The following STK3 variants were observed in gnomAD, a reference collection of about 807,000 sequenced individuals.
STK3 encodes the protein serine/threonine-protein kinase 3.
A neutral mutation model predicts 58.0 loss-of-function variants in STK3; 41 were observed. The ratio of observed to expected loss-of-function variants is 0.71; its 90% CI spans 0.55 to 0.92. The LOEUF is 0.92. Ranked by LOEUF, STK3 falls within the 40% of genes least tolerant of loss-of-function variation. The pLI is 0.00. For missense variants in STK3, 479 were observed against 602.7 expected (o/e 0.79, Z 2.15); for synonymous variants, 170 against 191.0 (o/e 0.89, Z 0.91).
intron 8 of STK3, among the ~76,000 whole-genome samples, chr8:98,557,196 T>A (rs1811663159): frequency 6.6e-6 from 1 of 152,082 alleles, no homozygotes; most frequent in Non-Finnish European, 1.5e-5. Flanking sequence ...CGGGGGCTGG[T>A]GACTGCTTGA....
chr8:98,662,231 A>G (rs1822020377), intron 6 of STK3, among the ~76,000 whole-genome samples: 1 of 152,190 alleles, frequency 6.6e-6, no homozygotes, highest in Admixed American at 6.5e-5. Flanking sequence ...AAATACCAAA[A>G]TTAATCTTTA....
rs146166660 is a variant in STK3 at position 98,485,798 on chromosome 8, G to C, written c.1318-29798C>G. Among the ~76,000 whole-genome samples the C allele has an allele frequency of 5.0e-3, 764 of 152,326 alleles. 14 individuals carry two copies. Among genetic ancestry groups the C allele is most frequent in the Admixed American group, 0.043 (659 of 15,298 alleles). On this transcript the variant is annotated intron_variant, in intron 10 of 10. Transcript: ENST00000419617. ...AATAGAAGATGAGCCTGGAGAAGTA[G>C]ATGGGGGCAGATTTTGGAGCCTATT... is the stretch of plus-strand genomic sequence containing the variant.
chr8:98,742,738 G>C (rs972210724), intron 4 of STK3, among the ~76,000 whole-genome samples: 6 of 151,650 alleles, frequency 4.0e-5, no homozygotes, highest in African/African-American at 1.5e-4. Context: ...AGGGCAATTA[G>C]GCAGGAGAAG....
At chr8:98,934,863 G>A (rs986855220) in intron 1 of STK3, among the ~76,000 whole-genome samples, 1 of 151,724 alleles carries the variant, frequency 6.6e-6, no homozygotes, top group Non-Finnish European at 1.5e-5. Context: ...GTTGCAATGA[G>A]CTGAGATTGT....
At chr8:98,850,290 C>T (rs926399247) in intron 3 of STK3, among the ~76,000 whole-genome samples, 2 of 152,202 alleles carry the variant, frequency 1.3e-5, no homozygotes, top group Non-Finnish European at 2.9e-5. Context: ...CCTCCCTCCT[C>T]AGCTTCCTAA....
chr8:98,860,825 T>C (rs1318422016), intron 3 of STK3, among the ~76,000 whole-genome samples: 1 of 151,892 alleles, frequency 6.6e-6, no homozygotes, highest in African/African-American at 2.4e-5. Flanking sequence ...GAGGCCGAGG[T>C]GGGCAGACAC....
intron 10 of STK3, among the ~76,000 whole-genome samples, chr8:98,486,101 A>T (rs148373718): frequency 1.3e-5 from 2 of 152,346 alleles, no homozygotes; most frequent in East Asian, 3.9e-4. Context: ...AAAGATTTGA[A>T]TTCTGGCTCC....
intron 9 of STK3, among the ~76,000 whole-genome samples, chr8:98,530,814 T>C (rs1489500574): frequency 1.3e-5 from 2 of 152,240 alleles, no homozygotes; most frequent in African/African-American, 4.8e-5. Flanking sequence ...TCTAAGTCCT[T>C]TGTTGTCATT....
intron 1 of STK3, among the ~76,000 whole-genome samples, chr8:98,884,547 C>A (rs1249952070): frequency 1.3e-5 from 2 of 152,164 alleles, no homozygotes; most frequent in Non-Finnish European, 2.9e-5. Context: ...TATTAATTTT[C>A]TTTTCCTGGT....
At chr8:98,816,781 A>C (rs948455111) in intron 1 of STK3, among the ~76,000 whole-genome samples, 8 of 152,038 alleles carry the variant, frequency 5.3e-5, no homozygotes, top group Non-Finnish European at 1.2e-4. Context: ...TGATCTACCC[A>C]CCTCGGCCTC....
At chr8:98,670,777 G>T (rs1195459826) in intron 6 of STK3, among the ~76,000 whole-genome samples, 1 of 152,178 alleles carries the variant, frequency 6.6e-6, no homozygotes, top group Non-Finnish European at 1.5e-5. Flanking sequence ...ACCCAACTTC[G>T]AGTGAGAGAC....
intron 1 of STK3, among the ~76,000 whole-genome samples, chr8:98,379,376 C>T (rs1055683107): frequency 2.6e-5 from 4 of 152,192 alleles, no homozygotes; most frequent in Admixed American, 6.5e-5. Flanking sequence ...ATTATTAGCA[C>T]GTTTCTTTTC....
chr8:98,552,515 C>T (rs1256651838), intron 8 of STK3, among the ~76,000 whole-genome samples: 1 of 152,128 alleles, frequency 6.6e-6, no homozygotes, highest in Non-Finnish European at 1.5e-5. Flanking sequence ...GCATTCTAAA[C>T]ATGTTCTTCC....
intron 1 of STK3, among the ~76,000 whole-genome samples, chr8:98,822,467 G>A (rs1038629094): frequency 1.5e-4 from 23 of 152,074 alleles, no homozygotes; most frequent in African/African-American, 4.6e-4. Context: ...GTGCACCATC[G>A]CAGTAGGCCC....
At chr8:98,439,873 C>T (rs568372222) in intron 1 of STK3, among the ~76,000 whole-genome samples, 2 of 152,166 alleles carry the variant, frequency 1.3e-5, no homozygotes, top group Non-Finnish European at 2.9e-5. Flanking sequence ...AAGCTGGCAG[C>T]GCATGTGCTG....
At chr8:98,809,879 A>C (rs1834110132) in intron 1 of STK3, among the ~76,000 whole-genome samples, 1 of 152,170 alleles carries the variant, frequency 6.6e-6, no homozygotes, top group Non-Finnish European at 1.5e-5. Context: ...CTATAAAGAA[A>C]TACCTGAGAC....
At chr8:98,823,730 GCT>G (rs1276115535) in intron 1 of STK3, among the ~76,000 whole-genome samples, 1 of 152,016 alleles carries the variant, frequency 6.6e-6, no homozygotes, top group African/African-American at 2.4e-5. Context: ...ACAGGGTCTC[GCT>G]CTGTCCCAAG....
At chr8:98,446,395 G>A (rs76023675) in intron 1 of STK3, among the ~76,000 whole-genome samples, 3,896 of 152,294 alleles carry the variant, frequency 0.026, 83 homozygotes, top group East Asian at 0.079. Flanking sequence ...TTGTTGATGA[G>A]TAAAGAAAGT....
At chr8:98,367,310 G>C (rs925462383), downstream of STK3, among the ~76,000 whole-genome samples, 3 of 152,188 alleles carry the variant, frequency 2.0e-5, no homozygotes, top group Non-Finnish European at 2.9e-5. Flanking sequence ...ATTTATCCTG[G>C]CTTTAGAATC....
Sources: gnomAD v4.1 joint callset for allele counts (sites outside exome capture counted in the v4.1 genomes callset) on GRCh38, gnomAD v4.1.1 for gene constraint, MANE v1.5 for transcripts, NCBI Gene and HGNC (gene_info 2026-07-23, HGNC 2026-07-21) for gene names.